Variants in MECOM observed in about 807,000 individuals in gnomAD.
The protein encoded by MECOM is MDS1 and EVI1 complex locus, also known as histone-lysine N-methyltransferase MECOM.
MECOM carries 13 observed loss-of-function variants against 116.3 expected under a neutral mutation model. That is an observed-to-expected ratio of 0.11 (90% CI 0.07 to 0.18). MECOM has a LOEUF of 0.18. MECOM is among the 10% of genes least tolerant of loss of function. MECOM has a pLI of 1.00. For synonymous variants in MECOM, 528 were observed against 535.2 expected, an observed-to-expected ratio of 0.99 and a Z score of 0.19; for missense variants, 1,299 against 1,509.0, an observed-to-expected ratio of 0.86 and a Z score of 2.31.
In MECOM at chr3:169,115,534, T is replaced by C. The variant is rs1447238646; in HGVS notation, c.2338A>G (p.Arg780Gly). Reference sequence around the variant, plus strand: ...AGCTTTGTCCCACTGGCTCTACTCCTACTGCCCATACTTAGATCCAGGGGC... The same window carrying C: ...AGCTTTGTCCCACTGGCTCTACTCCCACTGCCCATACTTAGATCCAGGGGC... ...DQPLDLSMGS[R>G]SRASGTKLTE... Residue 780 changes from arginine to glycine, a missense_variant, in exon 8 of 17, where the codon AGG becomes GGG. Arg to Gly is a moderately radical substitution (Grantham distance 125). Transcript: ENST00000651503. 29 of 1,614,046 alleles carry C rather than the reference T, an allele frequency of 1.8e-5. No individual in the cohort carries two copies. The highest frequency in any genetic ancestry group is 2.4e-5 in the Non-Finnish European group (28 of 1,180,038).
At chr3:169,298,389 A>G (rs1411418203) in intron 2 of MECOM, among the ~76,000 whole-genome samples, 1 of 152,022 alleles carries the variant, frequency 6.6e-6, no homozygotes, top group Admixed American at 6.5e-5. Flanking sequence ...AATGTTATCA[A>G]TATGAAGATG....
At chr3:169,203,542 T>C (rs1005289035) in intron 2 of MECOM, among the ~76,000 whole-genome samples, 4 of 152,200 alleles carry the variant, frequency 2.6e-5, no homozygotes, top group Non-Finnish European at 5.9e-5. Flanking sequence ...GAATACACTT[T>C]ATAAACTAAA....
chr3:169,411,430 A>G (rs1195821126), intron 1 of MECOM, among the ~76,000 whole-genome samples: 5 of 152,210 alleles, frequency 3.3e-5, no homozygotes, highest in Non-Finnish European at 7.3e-5. Flanking sequence ...AAAGAACATC[A>G]GTATATCATG....
At chr3:169,099,431 G>T (rs1051912557) in intron 12 of MECOM, among the ~76,000 whole-genome samples, 1 of 152,040 alleles carries the variant, frequency 6.6e-6, no homozygotes, top group Non-Finnish European at 1.5e-5. Flanking sequence ...TCTGAGACCT[G>T]TTATATCAAG....
At chr3:169,267,051 C>T (rs1446101578) in intron 2 of MECOM, among the ~76,000 whole-genome samples, 1 of 152,208 alleles carries the variant, frequency 6.6e-6, no homozygotes, top group Non-Finnish European at 1.5e-5. Context: ...TGGACATGCA[C>T]TATTTTCATT....
At chr3:169,406,159 A>C (rs1736660450) in intron 1 of MECOM, among the ~76,000 whole-genome samples, 1 of 152,230 alleles carries the variant, frequency 6.6e-6, no homozygotes, top group Non-Finnish European at 1.5e-5. Flanking sequence ...GAAATAGTTC[A>C]TCCTGACCAA....
chr3:169,528,091 C>A (rs1388297941), intron 1 of MECOM, among the ~76,000 whole-genome samples: 1 of 152,096 alleles, frequency 6.6e-6, no homozygotes. Context: ...TCCTTTCGAG[C>A]AGTGGTCTAT....
chr3:169,463,552 T>C (rs999508936), intron 1 of MECOM, among the ~76,000 whole-genome samples: 1 of 152,150 alleles, frequency 6.6e-6, no homozygotes, highest in Non-Finnish European at 1.5e-5. Flanking sequence ...TCAGTATGAA[T>C]GGGAACAGAA....
intron 2 of MECOM, among the ~76,000 whole-genome samples, chr3:169,237,837 A>G (rs922451875): frequency 3.3e-5 from 5 of 152,078 alleles, no homozygotes; most frequent in Non-Finnish European, 5.9e-5. Flanking sequence ...GGATTTTTCT[A>G]TATTGGTACT....
At chr3:169,378,455 A>AAGAG (rs1168673708) in intron 2 of MECOM, among the ~76,000 whole-genome samples, 17 of 51,232 alleles carry the variant, frequency 3.3e-4, no homozygotes, top group Non-Finnish European at 4.7e-4. Flanking sequence ...GAAAGAAGGA[A>AAGAG]AGCAAGCAAG....
intron 2 of MECOM, among the ~76,000 whole-genome samples, chr3:169,329,063 A>G (rs1722318283): frequency 6.6e-6 from 1 of 152,216 alleles, no homozygotes; most frequent in Non-Finnish European, 1.5e-5. Context: ...CCCATTCCGA[A>G]GTAAAGAAAT....
intron 1 of MECOM, among the ~76,000 whole-genome samples, chr3:169,550,743 G>A (rs1006339873): frequency 4.0e-5 from 6 of 151,390 alleles, no homozygotes; most frequent in Non-Finnish European, 7.4e-5. Flanking sequence ...GTAATTCTGT[G>A]AAAATGAAAG....
intron 1 of MECOM, among the ~76,000 whole-genome samples, chr3:169,418,440 C>T (rs558065026): frequency 6.6e-6 from 1 of 152,048 alleles, no homozygotes; most frequent in Non-Finnish European, 1.5e-5. Flanking sequence ...GGTAGAGACA[C>T]AACAAAAAAA....
chr3:169,529,544 T>G (rs1394417468), intron 1 of MECOM, among the ~76,000 whole-genome samples: 1 of 152,140 alleles, frequency 6.6e-6, no homozygotes, highest in Non-Finnish European at 1.5e-5. Flanking sequence ...TAACAGCCAG[T>G]TTGACATCCC....
intron 1 of MECOM, among the ~76,000 whole-genome samples, chr3:169,412,829 ATC>A (rs2108461094): frequency 6.6e-6 from 1 of 152,260 alleles, no homozygotes; most frequent in African/African-American, 2.4e-5. Flanking sequence ...GATTGGAACA[ATC>A]TCTCAGTTTG....
chr3:169,147,011 A>G, intron 2 of MECOM: 10 of 992,744 alleles, frequency 1.0e-5, no homozygotes, highest in Non-Finnish European at 1.1e-5. Flanking sequence ...AATACAAGAA[A>G]TGAAGTCTTC....
chr3:169,606,305 C>T (rs955766978), intron 1 of MECOM, among the ~76,000 whole-genome samples: 6 of 150,964 alleles, frequency 4.0e-5, no homozygotes, highest in African/African-American at 9.7e-5. Flanking sequence ...CCCAGCTACT[C>T]GGGAGGCTGA....
At chr3:169,253,421 T>C (rs76007498) in intron 2 of MECOM, among the ~76,000 whole-genome samples, 365 of 152,020 alleles carry the variant, frequency 2.4e-3, no homozygotes, top group African/African-American at 8.5e-3. Flanking sequence ...CTATTCGACT[T>C]CTTTTCCTAA....
Position 169,402,706 on chromosome 3 carries a change from G to A in MECOM, c.38-21182C>T, listed in dbSNP as rs192064187. Among the ~76,000 whole-genome samples the A allele has an allele frequency of 1.1e-4, 17 of 151,928 alleles. No homozygotes were observed. In the East Asian group the frequency reaches 2.9e-3, roughly 26 times the overall value. ...CATTAGAGGACACCTTCACTAGATC[G>A]TGCAGACTCTTAAGGAATGTTGATT... On this transcript the variant is annotated intron_variant, in intron 1 of 16. Transcript: ENST00000651503.
Sources: allele counts gnomAD v4.1 joint callset (sites outside exome capture counted in the v4.1 genomes callset), GRCh38; gene constraint gnomAD v4.1.1; transcripts MANE v1.5; gene names NCBI Gene and HGNC (gene_info 2026-07-23, HGNC 2026-07-21).